ODAD1: variants seen among roughly 807,000 people sequenced by gnomAD.
The protein encoded by ODAD1 is outer dynein arm-docking complex subunit 1.
A neutral mutation model predicts 67.2 loss-of-function variants in ODAD1; 49 were observed. The ratio of observed to expected loss-of-function variants is 0.73; its 90% CI spans 0.58 to 0.92. The LOEUF is 0.92. Ranked by LOEUF, ODAD1 falls within the 40% of genes least tolerant of loss-of-function variation. The pLI is 0.00. For synonymous variants in ODAD1, 345 were observed against 393.7 expected (o/e 0.88, Z 1.46); for missense variants, 897 against 953.7 (o/e 0.94, Z 0.78).
chr19:48,321,315 G>T (rs1969023725), intron 1 of ODAD1, among the ~76,000 whole-genome samples: 1 of 152,254 alleles, frequency 6.6e-6, no homozygotes, highest in African/African-American at 2.4e-5. Context: ...GGCCTGTGGA[G>T]CGGTGCTGCG....
Position 48,311,645 on chromosome 19 carries a change from G to C in ODAD1, c.505C>G (p.Gln169Glu), listed in dbSNP as rs776825962. The change falls in exon 7 of 16, where the codon CAG becomes GAG. Residue 169 changes from glutamine to glutamate, a missense_variant. Gln to Glu is a conservative substitution (Grantham distance 29). Coordinates refer to ENST00000674294, the MANE Select transcript of ODAD1 (RefSeq NM_001364171.2). ...LDRVTCHFDN[Q>E]LVRNAALREE... ...CGCAGGGCCGCATTCCGTACCAGCT[G>C]GTTGTCAAAGTGACAGGTGACCTGG... 8 of 1,550,362 alleles carry C rather than the reference G, an allele frequency of 5.2e-6. No homozygotes were observed. The South Asian group carries it at 9.5e-5, about 18-fold the overall frequency.
chr19:48,300,066 G>T lies in ODAD1; in HGVS notation c.1241-1726C>A, dbSNP rs555842100. Among the ~76,000 whole-genome samples the T allele has an allele frequency of 9.9e-5, 15 of 151,692 alleles. No individual in the cohort carries two copies. In the South Asian group the frequency reaches 3.1e-3, roughly 32 times the overall value. ...ATGCATATGTAATCCCAGCACTTTG[G>T]GATACTGAGGCGGGCAGATCACCTG... On this transcript the variant is annotated intron_variant, in intron 12 of 15. Transcript: ENST00000674294.
chr19:48,297,277 T>C lies in ODAD1; in HGVS notation c.1823A>G (p.His608Arg). 6.2e-7 allele frequency: 1 copy of C among 1,613,804 alleles called. No individual in the cohort carries two copies. Among genetic ancestry groups the C allele is most frequent in the Non-Finnish European group, 8.5e-7 (1 of 1,179,966 alleles). Reference sequence around the variant, plus strand: ...ACCGTGCGTGATGTGGCTGGGCAAATGCCCAGTGCTGGAGCTGAGGCCGCC... The same window carrying C: ...ACCGTGCGTGATGTGGCTGGGCAAACGCCCAGTGCTGGAGCTGAGGCCGCC... Reference protein sequence around the residue: ...TFGGLSSSTGHLPSHITHGDP... With the variant: ...TFGGLSSSTGRLPSHITHGDP... Residue 608 changes from histidine (H) to arginine (R), a missense_variant, in exon 16 of 16, where the codon CAT (histidine) becomes CGT (arginine). Transcript: ENST00000674294.
In ODAD1 at chr19:48,296,691, G is replaced by T. The variant is rs1258492571; in HGVS notation, c.*285C>A. 2.0e-5 allele frequency: 22 copies of T among 1,099,592 alleles called. No individual in the cohort carries two copies. The highest frequency in any genetic ancestry group is 2.4e-5 in the Non-Finnish European group (21 of 858,508). The allele number at this position is 1,099,592 out of a possible 1,614,324, so 68.1% of individuals were successfully genotyped here. ...GGGCCAGGGCTCAGCAGACAGGGAA[G>T]GGGCAGATATGGAGACAAGACGGAC... On this transcript the variant is annotated 3_prime_UTR_variant, in exon 16 of 16. Transcript: ENST00000674294.
In ODAD1 at chr19:48,297,260, T is replaced by G. The variant is rs570456771; in HGVS notation, c.1840A>C (p.Thr614Pro). 6.2e-7 allele frequency: 1 copy of G among 1,613,974 alleles called. No individual in the cohort carries two copies. The highest frequency in any genetic ancestry group is 1.1e-5 in the South Asian group (1 of 91,072). ...SSTGHLPSHITHGDPNTGHVT... is the reference protein window; with the variant it reads ...SSTGHLPSHIPHGDPNTGHVT... Reference sequence around the variant, plus strand: ...TGGCCAGTGTTGGGGTCACCGTGCGTGATGTGGCTGGGCAAATGCCCAGTG... The same window carrying G: ...TGGCCAGTGTTGGGGTCACCGTGCGGGATGTGGCTGGGCAAATGCCCAGTG... Residue 614 changes from threonine (T) to proline (P), a missense_variant, in exon 16 of 16, where the codon ACG (threonine) becomes CCG (proline). Transcript: ENST00000674294.
intron 9 of ODAD1, 35 bp downstream of exon 9, chr19:48,303,918 C>A (rs1449078153): frequency 6.2e-6 from 10 of 1,603,918 alleles, no homozygotes; most frequent in Admixed American, 5.0e-5. Flanking sequence ...GGCGGCCAGG[C>A]CCTTGAGATG....
intron 5 of ODAD1, among the ~76,000 whole-genome samples, chr19:48,317,228 T>A (rs569841711): frequency 1.3e-5 from 2 of 150,498 alleles, no homozygotes; most frequent in East Asian, 1.9e-4. Context: ...ATATATATAT[T>A]ATTTGCTGAA....
At position 48,297,985 on chromosome 19, in the gene ODAD1, T is replaced by C; in HGVS notation, c.1502+15A>G. On this transcript the variant is annotated intron_variant, in intron 14 of 15. Transcript: ENST00000674294. ...AGCCCCGTCCCCTCTGCGTCCCTCC[T>C]GCCCTGCGCCTCACAGAGTGTCAGG... 6.2e-7 allele frequency: 1 copy of C among 1,600,776 alleles called. No individual in the cohort carries two copies. Among genetic ancestry groups the C allele is most frequent in the African/African-American group, 1.3e-5 (1 of 74,684 alleles).
In ODAD1 at chr19:48,298,188, G is replaced by C; in HGVS notation, c.1393C>G (p.Leu465Val). ...LVELLTVQAF[L>V]HAQSFTSLAD... ...CTGCCGTCTCCCACCTGGGCATGTA[G>C]GAAGGCCTGCACTGTCAGGAGCTCC... Residue 465 changes from leucine (L) to valine (V), a missense_variant, in exon 13 of 16, where the codon CTA becomes GTA. Coordinates refer to ENST00000674294, the MANE Select transcript of ODAD1 (RefSeq NM_001364171.2). 6.2e-7 allele frequency: 1 copy of C among 1,612,888 alleles called. No individual in the cohort carries two copies.
chr19:48,313,887 C>A (rs1384931564), intron 5 of ODAD1, among the ~76,000 whole-genome samples: 1 of 144,440 alleles, frequency 6.9e-6, no homozygotes, highest in Admixed American at 6.8e-5. Flanking sequence ...TGTCTCAAAA[C>A]AAAACAAAAC....
At position 48,306,841 on chromosome 19, in the gene ODAD1, G is replaced by A. The variant is rs144198182; in HGVS notation, c.598-518C>T. 9.3e-3 allele frequency among the ~76,000 whole-genome samples: 1,411 copies of A among 152,232 alleles called. 23 individuals carry two copies. The highest frequency in any genetic ancestry group is 0.032 in the African/African-American group (1,346 of 41,508). On this transcript the variant is annotated intron_variant, in intron 7 of 15. Coordinates refer to ENST00000674294, the MANE Select transcript of ODAD1 (RefSeq NM_001364171.2). ...GCGGGCAGATCACCTGAGCTTGGGA[G>A]TTCGAGACCAGCCTGGCCAACATAG...
In ODAD1 at chr19:48,312,083, T is replaced by C. The variant is rs1256093494; in HGVS notation, c.394A>G (p.Ser132Gly). The change falls in exon 6 of 16, where the codon AGT becomes GGT. Residue 132 changes from serine (S) to glycine (G), a missense_variant. Physicochemically the swap from Ser to Gly is moderately conservative, Grantham distance 56. Transcript: ENST00000674294. ...QEWETRIFTH[S>G]KNVRSPGFIL... is the part of the protein sequence containing the mutation. ...AATCCCGGGGACCTGACATTCTTAC[T>C]GTGGGTAAAGATCCGCGTCTCCCAC... The C allele has an allele frequency of 6.4e-7, 1 of 1,550,854 alleles. No homozygotes were observed. Among genetic ancestry groups the C allele is most frequent in the South Asian group, 1.2e-5 (1 of 84,026 alleles).
chr19:48,301,578 G>T (rs1968464300), intron 12 of ODAD1, among the ~76,000 whole-genome samples: 1 of 152,202 alleles, frequency 6.6e-6, no homozygotes, highest in Non-Finnish European at 1.5e-5. Context: ...AGACTAAGAA[G>T]AAATTTGGTA....
At position 48,318,705 on chromosome 19, in the gene ODAD1, C is replaced by G. The variant is rs1388232007; in HGVS notation, c.170+8G>C. 6.5e-7 allele frequency: 1 copy of G among 1,547,648 alleles called. No homozygotes were observed. The highest frequency in any genetic ancestry group is 1.2e-5 in the South Asian group (1 of 83,978). On this transcript the variant is annotated splice_region_variant and intron_variant, in intron 4 of 15. Coordinates refer to ENST00000674294, the MANE Select transcript of ODAD1 (RefSeq NM_001364171.2). ...CTCCCCAGCTCAGGGCCCAGGCGCC[C>G]AGCTCACAGTTGCTTGTTGATGCGC...
At chr19:48,305,406 T>A (rs936237373) in intron 8 of ODAD1, among the ~76,000 whole-genome samples, 20 of 150,514 alleles carry the variant, frequency 1.3e-4, no homozygotes, top group Non-Finnish European at 2.7e-4. Context: ...GATGCGCTTT[T>A]TTTTTTTTTT....
Position 48,318,702 on chromosome 19 carries a change from G to C in ODAD1, c.170+11C>G, listed in dbSNP as rs554528909. On this transcript the variant is annotated intron_variant, in intron 4 of 15. Transcript: ENST00000674294. ...CTCCTCCCCAGCTCAGGGCCCAGGC[G>C]CCCAGCTCACAGTTGCTTGTTGATG... is the stretch of plus-strand genomic sequence containing the variant. 2.6e-6 allele frequency: 4 copies of C among 1,542,796 alleles called. No individual in the cohort carries two copies. The highest frequency in any genetic ancestry group is 3.5e-6 in the Non-Finnish European group (4 of 1,139,270).
intron 7 of ODAD1, among the ~76,000 whole-genome samples, chr19:48,310,178 G>A (rs991165882): frequency 7.9e-5 from 12 of 152,072 alleles, no homozygotes; most frequent in African/African-American, 2.4e-4. Context: ...AGGTTGCAGC[G>A]AGCCAAGATC....
At chr19:48,316,765 C>CG (rs1804546234) in intron 5 of ODAD1, among the ~76,000 whole-genome samples, 1 of 152,066 alleles carries the variant, frequency 6.6e-6, no homozygotes, top group African/African-American at 2.4e-5. Flanking sequence ...TGGGAGGCCA[C>CG]GGTGAGTGGA....
chr19:48,303,829 A>G, intron 9 of ODAD1, 45 bp from the exon 10 acceptor site: 1 of 1,583,178 alleles, frequency 6.3e-7, no homozygotes, highest in Non-Finnish European at 8.6e-7. Flanking sequence ...GGTGGCCTCC[A>G]ACACAGAGAC....
Sources: allele counts gnomAD v4.1 joint callset (sites outside exome capture counted in the v4.1 genomes callset), GRCh38; gene constraint gnomAD v4.1.1; transcripts MANE v1.5; gene names NCBI Gene and HGNC (gene_info 2026-07-23, HGNC 2026-07-21).